Variants in UROC1 observed in about 807,000 individuals in gnomAD.
UROC1 encodes urocanate hydratase.
A neutral mutation model predicts 89.5 loss-of-function variants in UROC1; 79 were observed. That is an observed-to-expected ratio of 0.88 (90% CI 0.74 to 1.06). The LOEUF (loss-of-function observed/expected upper bound fraction) is 1.06. Among genes scored for constraint, UROC1 ranks in the 50% least tolerant of loss-of-function variants. The pLI is 0.00. For synonymous variants in UROC1, 361 were observed against 354.8 expected (o/e 1.02, Z -0.20); for missense variants, 885 against 907.8 (o/e 0.97, Z 0.32).
At chr3:126,497,430 G>A (rs17742502) in intron 14 of UROC1, among the ~76,000 whole-genome samples, 39,530 of 152,206 alleles carry the variant, frequency 0.26, 5,618 homozygotes, top group Non-Finnish European at 0.31. Context: ...ACAACCCTCT[G>A]GCAGAACCAA....
chr3:126,502,887 C>T (rs1463464797), intron 9 of UROC1, among the ~76,000 whole-genome samples: 1 of 150,130 alleles, frequency 6.7e-6, no homozygotes, highest in Non-Finnish European at 1.5e-5. Context: ...AGCTTGTGTG[C>T]ATGTGTGTGC....
At chr3:126,484,060 C>A (rs2107531554) in intron 18 of UROC1, among the ~76,000 whole-genome samples, 1 of 152,244 alleles carries the variant, frequency 6.6e-6, no homozygotes. Context: ...TCTCTTCTTT[C>A]TGCTTGCCTC....
intron 9 of UROC1, among the ~76,000 whole-genome samples, chr3:126,502,259 GTGTGCGCCTGTGTGTTTATGTGTT>G (rs2107544196): frequency 6.7e-6 from 1 of 149,756 alleles, no homozygotes; most frequent in East Asian, 2.0e-4. Context: ...GTTTATGTGT[GTGTGCGCCTGTGTGTTTATGTGTT>G]TGTGTGTGCT....
intron 16 of UROC1, among the ~76,000 whole-genome samples, chr3:126,490,484 G>T (rs539634451): frequency 2.0e-5 from 3 of 152,230 alleles, no homozygotes; most frequent in Non-Finnish European, 4.4e-5. Flanking sequence ...TCAGGAGTTC[G>T]AGACCAGCCT....
chr3:126,483,969 G>A (rs994209670), intron 18 of UROC1, among the ~76,000 whole-genome samples: 2 of 151,818 alleles, frequency 1.3e-5, no homozygotes, highest in South Asian at 2.1e-4. Context: ...CTCTTGCTTC[G>A]ACCTCCCAAA....
chr3:126,498,022 C>T, intron 14 of UROC1, 29 bp downstream of exon 14: 1 of 1,613,780 alleles, frequency 6.2e-7, no homozygotes, highest in East Asian at 2.2e-5. Context: ...GGGCCACCCA[C>T]CCATGGGCAT....
At chr3:126,488,174 C>A in intron 18 of UROC1, 24 bp downstream of exon 18, 1 of 1,614,124 alleles carries the variant, frequency 6.2e-7, no homozygotes, top group Non-Finnish European at 8.5e-7. Context: ...TCAGCCCACA[C>A]CCTGTCCTCT....
chr3:126,502,952 A>ATG (rs1228031355), intron 9 of UROC1, among the ~76,000 whole-genome samples: 2 of 94,786 alleles, frequency 2.1e-5, no homozygotes, highest in African/African-American at 3.9e-5. Flanking sequence ...TGTGTGTGTT[A>ATG]TATGTGTGTT....
intron 7 of UROC1, 37 bp downstream of exon 7, chr3:126,505,908 T>C: frequency 6.5e-7 from 1 of 1,536,150 alleles, no homozygotes; most frequent in Non-Finnish European, 8.8e-7. Flanking sequence ...CCCCCCATGC[T>C]GGGAAGCCCA....
At chr3:126,485,561 C>T (rs957166314) in intron 18 of UROC1, among the ~76,000 whole-genome samples, 1 of 151,796 alleles carries the variant, frequency 6.6e-6, no homozygotes, top group African/African-American at 2.4e-5. Context: ...TTCCACCCCA[C>T]ACCTGCTTTT....
At chr3:126,496,139 A>G (rs1484944709) in intron 14 of UROC1, 31 bp from the exon 15 acceptor site, 2 of 1,605,424 alleles carry the variant, frequency 1.2e-6, no homozygotes, top group Admixed American at 1.7e-5. Flanking sequence ...GGCGTCAGAG[A>G]CCCTCCAGGG....
intron 13 of UROC1, 71 bp downstream of exon 13, chr3:126,499,266 C>T: frequency 1.3e-6 from 2 of 1,544,142 alleles, no homozygotes; most frequent in Non-Finnish European, 1.8e-6. Context: ...CCTAAATACC[C>T]AGGACGCAGA....
chr3:126,486,048 G>A (rs1047482040), intron 18 of UROC1, among the ~76,000 whole-genome samples: 2 of 152,200 alleles, frequency 1.3e-5, no homozygotes, highest in Non-Finnish European at 2.9e-5. Context: ...GGGAGGGACC[G>A]GCAGAATCCA....
chr3:126,498,009 G>T (rs760349670), intron 14 of UROC1, 42 bp downstream of exon 14: 1 of 1,613,190 alleles, frequency 6.2e-7, no homozygotes. Flanking sequence ...AGAAGCTTTG[G>T]GGGGGCCACC....
At chr3:126,502,202 TTGTGTGTGTGTCTGTG>T (rs564408526) in intron 9 of UROC1, among the ~76,000 whole-genome samples, 1 of 151,790 alleles carries the variant, frequency 6.6e-6, no homozygotes, top group African/African-American at 2.4e-5. Context: ...TTGCGTGTGT[TTGTGTGTGTGTCTGTG>T]TGTGTTTATG....
chr3:126,485,310 GAGAAACAA>G (rs1444034770), intron 18 of UROC1, among the ~76,000 whole-genome samples: 1 of 152,074 alleles, frequency 6.6e-6, no homozygotes, highest in Non-Finnish European at 1.5e-5. Flanking sequence ...TTTTCTCATT[GAGAAACAA>G]AGGCACAGCA....
chr3:126,493,541 C>T (rs1019349200), intron 15 of UROC1, among the ~76,000 whole-genome samples: 23 of 152,150 alleles, frequency 1.5e-4, no homozygotes, highest in Admixed American at 3.9e-4. Flanking sequence ...ACTGTCTGAT[C>T]TCGCTTATAT....
intron 16 of UROC1, among the ~76,000 whole-genome samples, chr3:126,491,347 T>G (rs373570689): frequency 3.2e-4 from 48 of 152,362 alleles, no homozygotes; most frequent in African/African-American, 1.2e-3. Flanking sequence ...TCCCTGGTGG[T>G]TAGGACACGC....
intron 15 of UROC1, among the ~76,000 whole-genome samples, chr3:126,495,360 T>C (rs1935752985): frequency 6.6e-6 from 1 of 152,196 alleles, no homozygotes; most frequent in Admixed American, 6.5e-5. Flanking sequence ...CTCTATGAAT[T>C]TGACTGCTCT....
Sources: gnomAD v4.1 joint callset for allele counts (sites outside exome capture counted in the v4.1 genomes callset) on GRCh38, gnomAD v4.1.1 for gene constraint, MANE v1.5 for transcripts, NCBI Gene and HGNC (gene_info 2026-07-23, HGNC 2026-07-21) for gene names.